The following CLK3 variants were observed in gnomAD, a reference collection of about 807,000 sequenced individuals.
The protein encoded by CLK3 is dual specificity protein kinase CLK3.
Under a neutral mutation model 65.2 loss-of-function variants are expected in CLK3, and 24 were observed. The ratio of observed to expected loss-of-function variants is 0.37; its 90% confidence interval spans 0.27 to 0.52. The LOEUF (loss-of-function observed/expected upper bound fraction) is 0.52, where lower values mean the gene tolerates loss of function less well. Ranked by LOEUF, CLK3 falls within the 20% of genes least tolerant of loss-of-function variation. CLK3 has a pLI of 0.92. For synonymous variants in CLK3, 252 were observed against 240.8 expected, an observed-to-expected ratio of 1.05 and a Z score of -0.43; for missense variants, 506 against 660.0, an observed-to-expected ratio of 0.77 and a Z score of 2.56.
Position 74,628,592 on chromosome 15 carries a change from A to G in CLK3, c.1126-12A>G, listed in dbSNP as rs758447256. ...GTACTGACCCCCTTGCACTGTCCCTAATCTTCCACAGACCCACGAAAACCG... is the reference window on the plus strand; with the variant it reads ...GTACTGACCCCCTTGCACTGTCCCTGATCTTCCACAGACCCACGAAAACCG... On this transcript the variant is annotated splice_polypyrimidine_tract_variant and intron_variant, in intron 10 of 12. Coordinates refer to ENST00000395066, the MANE Select transcript of CLK3 (RefSeq NM_001130028.2). 30 of 1,609,516 alleles carry G rather than the reference A, an allele frequency of 1.9e-5. No homozygotes were observed. The highest frequency in any genetic ancestry group is 1.1e-5 in the South Asian group (1 of 90,832).
intron 1 of CLK3, among the ~76,000 whole-genome samples, chr15:74,610,148 C>T (rs1039279880): frequency 4.6e-5 from 7 of 152,266 alleles, no homozygotes; most frequent in African/African-American, 1.4e-4. Flanking sequence ...GATCCCCAGG[C>T]TGGGCTCTGG....
chr15:74,615,361 C>A, upstream of CLK3: 2 of 1,118,058 alleles, frequency 1.8e-6, no homozygotes, highest in South Asian at 3.9e-5. Context: ...ATGTGTCGTT[C>A]GCTCGTTTCG....
intron 1 of CLK3, among the ~76,000 whole-genome samples, chr15:74,616,136 G>T (rs780011148): frequency 1.3e-5 from 2 of 152,250 alleles, no homozygotes; most frequent in Non-Finnish European, 2.9e-5. Context: ...CGGCCTCTGG[G>T]GCCGCTCAAG....
intron 1 of CLK3, among the ~76,000 whole-genome samples, chr15:74,618,033 G>A (rs535305887): frequency 5.3e-5 from 8 of 152,208 alleles, no homozygotes; most frequent in Non-Finnish European, 8.8e-5. Flanking sequence ...AGGCCTCACT[G>A]TCCTGCTCAA....
Position 74,627,180 on chromosome 15 carries a change from G to T in CLK3, c.818-172G>T. 1 of 723,732 alleles carries T rather than the reference G, an allele frequency of 1.4e-6. No homozygotes were observed. The highest frequency in any genetic ancestry group is 2.5e-6 in the Non-Finnish European group (1 of 396,070). The allele number at this position is 723,732 out of a possible 1,614,324, so 44.8% of individuals were successfully genotyped here. On this transcript the variant is annotated intron_variant, in intron 7 of 12. Transcript: ENST00000395066. This position sits in a 1 kb window ranked among gnomAD's most constrained non-coding sequence, Gnocchi z 4.3. ...AACCCTCCAAGGCCTCAAGTACAGA[G>T]AACCCTTGAGAGGGAGGCCAGCACA...
upstream of CLK3, chr15:74,615,330 C>G (rs900198927): frequency 1.0e-6 from 1 of 956,740 alleles, no homozygotes; most frequent in Admixed American, 4.3e-5. Flanking sequence ...TTTCAAAAAA[C>G]CCGCACACAC....
chr15:74,615,750 C>G (rs2062050352), upstream of CLK3: 2 of 1,238,582 alleles, frequency 1.6e-6, no homozygotes, highest in Non-Finnish European at 2.0e-6. Flanking sequence ...GCTAGAGCGG[C>G]CAGGCCTCCG....
chr15:74,620,090 C>T lies in CLK3; in HGVS notation c.234C>T (p.Ser78=). 6.8e-6 allele frequency: 11 copies of T among 1,614,202 alleles called. No individual in the cohort carries two copies. The highest frequency in any genetic ancestry group is 9.3e-6 in the Non-Finnish European group (11 of 1,180,038). ...ACCGGTGTGAAGAGCGGAGCCCATC[C>T]TTTGGAGAGGACTACTATGGACCTT... ...DTYRCEERSP[S]FGEDYYGPSR... is the part of the protein sequence containing the mutation. Residue 78 remains serine (S), a synonymous_variant, in exon 3 of 13, where the codon TCC becomes TCT. Coordinates refer to ENST00000395066, the MANE Select transcript of CLK3 (RefSeq NM_001130028.2).
Position 74,622,397 on chromosome 15 carries a change from C to T in CLK3, c.467-97C>T. 1 of 1,118,392 alleles carries T rather than the reference C, an allele frequency of 8.9e-7. No individual in the cohort carries two copies. The highest frequency in any genetic ancestry group is 1.3e-6 in the Non-Finnish European group (1 of 761,464). 69.3% of individuals were successfully genotyped at this position (1,118,392 alleles called of 1,614,324 possible). A position where few individuals can be genotyped will look rare whatever the true frequency, so the allele number is the denominator to read the frequency against. ...TAAGAGTGTAGCAGTGAGAGAGAAA[C>T]CTTTTTTGTTTTTGAGAATTTGAAT... On this transcript the variant is annotated intron_variant, in intron 4 of 12. Transcript: ENST00000395066. This position sits in a 1 kb window ranked among gnomAD's most constrained non-coding sequence, Gnocchi z 4.6.
At chr15:74,614,692 C>A (rs2062033154), upstream of CLK3, 1 of 152,222 alleles carries the variant, frequency 6.6e-6, no homozygotes. Context: ...CGACACCTCC[C>A]CGCTTCAGGG....
At position 74,625,919 on chromosome 15, in the gene CLK3, C is replaced by A. The variant is rs755457905; in HGVS notation, c.768C>A (p.Pro256=). 6.2e-7 allele frequency: 1 copy of A among 1,614,144 alleles called. No individual in the cohort carries two copies. Among genetic ancestry groups the A allele is most frequent in the African/African-American group, 1.3e-5 (1 of 75,028 alleles). ...FLKENNFQPY[P]LPHVRHMAYQ... is the part of the protein sequence containing the mutation. ...AGGAGAATAACTTCCAGCCTTACCC[C>A]CTACCACATGTCCGGCACATGGCCT... Residue 256 remains proline, a synonymous_variant, in exon 7 of 13, where the codon CCC becomes CCA. Transcript: ENST00000395066.
chr15:74,618,842 T>G (rs1197664764), intron 1 of CLK3, among the ~76,000 whole-genome samples: 1 of 152,210 alleles, frequency 6.6e-6, no homozygotes, highest in African/African-American at 2.4e-5. Context: ...TGCAGGAGGC[T>G]CCCCTTTCTC....
At chr15:74,626,963 G>A (rs767452420) in intron 7 of CLK3, 4 of 459,500 alleles carry the variant, frequency 8.7e-6, no homozygotes, top group Non-Finnish European at 8.7e-6. Context: ...ACTTGAACAG[G>A]GGACCTGCAT....
chr15:74,626,237 T>A (rs542418700), intron 7 of CLK3, among the ~76,000 whole-genome samples: 1 of 152,202 alleles, frequency 6.6e-6, no homozygotes, highest in Non-Finnish European at 1.5e-5. Context: ...TGCTCTGGAA[T>A]TGGCCTAACC....
In CLK3 at chr15:74,627,926, G is replaced by A. The variant is rs769806155; in HGVS notation, c.1043-44G>A. ...CTGCCTTGTGACTTCCAGGCTGGAA[G>A]CATAAGGCCGGATCTCACAGCCTCT... is the stretch of plus-strand genomic sequence containing the variant. On this transcript the variant is annotated intron_variant, in intron 9 of 12. Transcript: ENST00000395066. The surrounding 1 kb of genome is among the most constrained non-coding windows in gnomAD (Gnocchi z 4.3). 1.3e-5 allele frequency: 19 copies of A among 1,479,370 alleles called. No individual in the cohort carries two copies. Among genetic ancestry groups the A allele is most frequent in the Non-Finnish European group, 1.7e-5 (18 of 1,057,672 alleles). 91.6% of individuals were successfully genotyped at this position (1,479,370 alleles called of 1,614,324 possible). A position where few individuals can be genotyped will look rare whatever the true frequency, so the allele number is the denominator to read the frequency against.
rs2062053225 is a variant in CLK3, at chr15:74,615,885, G to C, written c.-14G>C. 8.0e-7 allele frequency: 1 copy of C among 1,253,902 alleles called. No homozygotes were observed. Among genetic ancestry groups the C allele is most frequent in the East Asian group, 3.1e-5 (1 of 32,634 alleles). The allele number at this position is 1,253,902 out of a possible 1,614,324, so 77.7% of individuals were successfully genotyped here. On this transcript the variant is annotated 5_prime_UTR_variant, in exon 1 of 13. Coordinates refer to ENST00000395066, the MANE Select transcript of CLK3 (RefSeq NM_001130028.2). ...GGGGAGTGGGGCCTAGCTGCAGCCGGAGCCTGGGAGACGGTAAGTGTGGGC... is the reference window on the plus strand; with the variant it reads ...GGGGAGTGGGGCCTAGCTGCAGCCGCAGCCTGGGAGACGGTAAGTGTGGGC...
chr15:74,609,678 G>A (rs1273581573), intron 1 of CLK3, among the ~76,000 whole-genome samples: 1 of 152,252 alleles, frequency 6.6e-6, no homozygotes, highest in African/African-American at 2.4e-5. Context: ...TGCTGGCATG[G>A]AGACTCTGGG....
intron 12 of CLK3, chr15:74,629,274 G>C: frequency 1.6e-6 from 1 of 613,722 alleles, no homozygotes; most frequent in South Asian, 1.7e-5. Context: ...AACACCAGAA[G>C]AGCCAGATGT....
chr15:74,619,885 C>T (rs2062087550), intron 2 of CLK3, 124 bp from the exon 3 acceptor site: 2 of 1,485,712 alleles, frequency 1.3e-6, no homozygotes, highest in Non-Finnish European at 1.8e-6. Flanking sequence ...CCACTTCCCA[C>T]CAGTGTGGAT....
Sources: gnomAD v4.1 joint callset for allele counts (sites outside exome capture counted in the v4.1 genomes callset) on GRCh38, gnomAD v4.1.1 for gene constraint, Gnocchi (gnomAD v3.1) non-coding constraint, MANE v1.5 for transcripts, NCBI Gene and HGNC (gene_info 2026-07-23, HGNC 2026-07-21) for gene names.